Variants in FRA10AC1 observed in about 807,000 individuals in gnomAD.
The protein encoded by FRA10AC1 is protein FRA10AC1.
In FRA10AC1, 43 loss-of-function variants were observed where a neutral mutation model predicts 56.5. The observed-to-expected ratio is 0.76, with a 90% confidence interval of 0.60 to 0.98. FRA10AC1 has a LOEUF of 0.98. FRA10AC1 is among the 50% of genes least tolerant of loss of function. The pLI is 0.00. For missense variants in FRA10AC1, 346 were observed against 351.8 expected, an observed-to-expected ratio of 0.98 and a Z score of 0.13; for synonymous variants, 112 against 110.5, an observed-to-expected ratio of 1.01 and a Z score of -0.09.
rs2058722996 is a variant in FRA10AC1, at chr10:93,669,143, G to A, written c.*683C>T. 1 of 152,118 alleles carries A rather than the reference G, an allele frequency of 6.6e-6. No individual in the cohort carries two copies. Among genetic ancestry groups the A allele is most frequent in the Non-Finnish European group, 1.5e-5 (1 of 68,040 alleles). The allele number at this position is 152,118 out of a possible 1,614,324, so 9.4% of individuals were successfully genotyped here. A position where few individuals can be genotyped will look rare whatever the true frequency, so the allele number is the denominator to read the frequency against. ...AGGTTAAGAAGGAAGCAAGAGACAGGCAAGCAAAAAACCTCAAAAAGCAGC... is the reference window on the plus strand; with the variant it reads ...AGGTTAAGAAGGAAGCAAGAGACAGACAAGCAAAAAACCTCAAAAAGCAGC... On this transcript the variant is annotated 3_prime_UTR_variant, in exon 14 of 14. Coordinates refer to ENST00000359204, the MANE Select transcript of FRA10AC1 (RefSeq NM_145246.5).
chr10:93,669,459 G>T lies in FRA10AC1; in HGVS notation c.*367C>A, dbSNP rs2058727276. Reference sequence around the variant, plus strand: ...ATCCAGTATTGGTGGCTCTAAAAAAGAGAAAAAGAAGAAATAATAAAATAA... The same window carrying T: ...ATCCAGTATTGGTGGCTCTAAAAAATAGAAAAAGAAGAAATAATAAAATAA... On this transcript the variant is annotated 3_prime_UTR_variant, in exon 14 of 14. Coordinates refer to ENST00000359204, the MANE Select transcript of FRA10AC1 (RefSeq NM_145246.5). 1 of 161,238 alleles carries T rather than the reference G, an allele frequency of 6.2e-6. No homozygotes were observed. The highest frequency in any genetic ancestry group is 2.0e-4 in the South Asian group (1 of 4,968). The allele number at this position is 161,238 out of a possible 1,614,324, so 10.0% of individuals were successfully genotyped here.
In FRA10AC1 at chr10:93,702,516, ACCACCACCG is replaced by A; in HGVS notation, c.-151_-143del. ...CGCCCTGCCGCACAGCCTCGCCACA[ACCACCACCG>A]CCGCCGCCGCCGCCGCCGCCGCCCG... On this transcript the variant is annotated 5_prime_UTR_variant, in exon 1 of 14. Transcript: ENST00000359204. 1.3e-5 allele frequency: 2 copies of A among 151,856 alleles called. No homozygotes were observed. The highest frequency in any genetic ancestry group is 6.3e-5 in the South Asian group (1 of 15,836). 9.4% of individuals were successfully genotyped at this position (151,856 alleles called of 1,614,324 possible).
At chr10:93,687,706 C>A in intron 7 of FRA10AC1, 1 of 299,376 alleles carries the variant, frequency 3.3e-6, no homozygotes, top group Non-Finnish European at 6.1e-6. Flanking sequence ...AATAATATAT[C>A]CTGTTCTGTA....
chr10:93,676,770 G>C, intron 11 of FRA10AC1, 79 bp from the exon 12 acceptor site: 2 of 1,452,772 alleles, frequency 1.4e-6, no homozygotes, highest in African/African-American at 1.4e-5. Flanking sequence ...AGAATTCTTA[G>C]CAATATTCTA....
intron 4 of FRA10AC1, among the ~76,000 whole-genome samples, chr10:93,697,166 GA>G (rs1366142997): frequency 6.6e-6 from 1 of 152,140 alleles, no homozygotes; most frequent in Admixed American, 6.5e-5. Flanking sequence ...TCCTATGCCA[GA>G]AAAAAGAGTA....
At chr10:93,681,775 A>T (rs548073257) in intron 10 of FRA10AC1, among the ~76,000 whole-genome samples, 177 bp from the exon 11 acceptor site, 1 of 152,248 alleles carries the variant, frequency 6.6e-6, no homozygotes, top group South Asian at 2.1e-4. Flanking sequence ...ATTAATTAAA[A>T]TCATTCTATA....
chr10:93,677,672 T>C (rs1372545047), intron 11 of FRA10AC1, among the ~76,000 whole-genome samples: 1 of 152,164 alleles, frequency 6.6e-6, no homozygotes, highest in East Asian at 1.9e-4. Flanking sequence ...GGGTTCCTTT[T>C]CCCTGGAAAT....
chr10:93,688,379 C>G (rs1006736665), intron 7 of FRA10AC1, among the ~76,000 whole-genome samples: 1 of 152,076 alleles, frequency 6.6e-6, no homozygotes, highest in African/African-American at 2.4e-5. Context: ...AGGTGGAGCA[C>G]AGAGGATTTT....
At chr10:93,702,685 G>A (rs987423701), upstream of FRA10AC1, 1 of 231,116 alleles carries the variant, frequency 4.3e-6, no homozygotes, top group Non-Finnish European at 8.7e-6. Flanking sequence ...GGAAACAAGG[G>A]CAGCGGGAGA....
At chr10:93,692,542 ACTGTTCTATGAAGGGG>A in intron 6 of FRA10AC1, 88 bp downstream of exon 6, 1 of 728,562 alleles carries the variant, frequency 1.4e-6, no homozygotes, top group Non-Finnish European at 2.3e-6. Context: ...TTGATTCAGA[ACTGTTCTATGAAGGGG>A]CTGAACACCT....
In FRA10AC1 at chr10:93,670,798, G is replaced by T. The variant is rs1483504382; in HGVS notation, c.877C>A (p.Pro293Thr). 1 of 1,610,468 alleles carries T rather than the reference G, an allele frequency of 6.2e-7. No homozygotes were observed. The change falls in exon 13 of 14, where the codon CCA becomes ACA. Residue 293 changes from proline (P) to threonine (T), a missense_variant. By Grantham distance (38) the Pro-to-Thr change is conservative (BLOSUM62 -1). Coordinates refer to ENST00000359204, the MANE Select transcript of FRA10AC1 (RefSeq NM_145246.5). ...SASESELWKG[P>T]LPETDEKSQE... ...GATTTTTCATCTGTCTCTGGTAGTG[G>T]ACCCTTCCAAAGTTCAGATTCTGAA...
intron 7 of FRA10AC1, among the ~76,000 whole-genome samples, chr10:93,688,916 T>C (rs879911014): frequency 6.6e-6 from 1 of 152,132 alleles, no homozygotes; most frequent in Non-Finnish European, 1.5e-5. Flanking sequence ...GGTCTTAACC[T>C]TGGGAAAGTT....
intron 4 of FRA10AC1, 128 bp from the exon 5 acceptor site, chr10:93,695,065 T>C (rs1313400685): frequency 2.2e-5 from 13 of 583,126 alleles, no homozygotes; most frequent in Non-Finnish European, 3.0e-5. Flanking sequence ...TCACACACTA[T>C]ACATGCTTAC....
intron 5 of FRA10AC1, among the ~76,000 whole-genome samples, chr10:93,694,606 C>T (rs922305580): frequency 9.3e-5 from 14 of 150,436 alleles, no homozygotes; most frequent in South Asian, 2.1e-4. Context: ...CCCAGCTACT[C>T]GGGAGCCTGA....
rs1414125539 is a variant in FRA10AC1, at chr10:93,668,629, G to A, written c.*1197C>T. The A allele has an allele frequency of 6.5e-6, 1 of 154,656 alleles. No individual in the cohort carries two copies. Among genetic ancestry groups the A allele is most frequent in the Non-Finnish European group, 1.4e-5 (1 of 70,002 alleles). The allele number at this position is 154,656 out of a possible 1,614,324, so 9.6% of individuals were successfully genotyped here. A position where few individuals can be genotyped will look rare whatever the true frequency, so the allele number is the denominator to read the frequency against. On this transcript the variant is annotated 3_prime_UTR_variant, in exon 14 of 14. Transcript: ENST00000359204. The stretch of plus-strand genomic sequence containing the variant: ...GTTCCACATGGCTGGGAAAGCCTCA[G>A]AATCATGGTGGGAGGCAAAAGGCAC...
chr10:93,693,697 A>G (rs936506503), intron 5 of FRA10AC1, among the ~76,000 whole-genome samples: 1 of 146,692 alleles, frequency 6.8e-6, no homozygotes, highest in Admixed American at 6.9e-5. Flanking sequence ...TATACCATAT[A>G]TATATACACA....
At chr10:93,686,926 G>C (rs909696350) in intron 8 of FRA10AC1, among the ~76,000 whole-genome samples, 18 of 151,802 alleles carry the variant, frequency 1.2e-4, no homozygotes, top group Non-Finnish European at 2.2e-4. Flanking sequence ...TTTGCTATTA[G>C]ACTAAGTATT....
At position 93,685,270 on chromosome 10, in the gene FRA10AC1, T is replaced by C; in HGVS notation, c.601A>G (p.Lys201Glu). Reference protein sequence around the residue: ...VNFGYIEHGEKRNALVKLRLC... With the variant: ...VNFGYIEHGEERNALVKLRLC... ...CTTAATTTAACAAGTGCATTTCTCT[T>C]CTCACCATGCTCAATATAACCAAAA... Residue 201 changes from lysine (K) to glutamate (E), a missense_variant, in exon 9 of 14, where the codon AAG becomes GAG. By Grantham distance (56) the Lys-to-Glu change is moderately conservative. Transcript: ENST00000359204. 6.5e-7 allele frequency: 1 copy of C among 1,549,984 alleles called. No homozygotes were observed. Among genetic ancestry groups the C allele is most frequent in the Non-Finnish European group, 8.9e-7 (1 of 1,124,628 alleles).
At position 93,684,885 on chromosome 10, in the gene FRA10AC1, C is replaced by T. The variant is rs1205745614; in HGVS notation, c.625+361G>A. Among the ~76,000 whole-genome samples, 6 of 152,120 alleles carry T rather than the reference C, an allele frequency of 3.9e-5. No individual in the cohort carries two copies. In the East Asian group the frequency reaches 1.2e-3, roughly 29 times the overall value. On this transcript the variant is annotated intron_variant, in intron 9 of 13. Coordinates refer to ENST00000359204, the MANE Select transcript of FRA10AC1 (RefSeq NM_145246.5). ...GAAACAGAGTGAATTTGTTTATTATCTGTGCTACAACGATATCACTGAGTA... is the reference window on the plus strand; with the variant it reads ...GAAACAGAGTGAATTTGTTTATTATTTGTGCTACAACGATATCACTGAGTA...
Sources: gnomAD v4.1 joint callset for allele counts (sites outside exome capture counted in the v4.1 genomes callset) on GRCh38, gnomAD v4.1.1 for gene constraint, MANE v1.5 for transcripts, NCBI Gene and HGNC (gene_info 2026-07-23, HGNC 2026-07-21) for gene names.